PRELID2: variants seen among roughly 807,000 people sequenced by gnomAD.
PRELID2 encodes PRELI domain-containing protein 2.
A neutral mutation model predicts 28.4 loss-of-function variants in PRELID2; 25 were observed. The observed-to-expected ratio is 0.88, with a 90% CI of 0.64 to 1.23. The LOEUF (loss-of-function observed/expected upper bound fraction) is 1.23, where lower values mean the gene tolerates loss of function less well. Among genes scored for constraint, PRELID2 ranks in the 50% most tolerant of loss-of-function variants. The probability of loss-of-function intolerance (pLI) is 0.00; values close to 1 mark genes in which losing one functional copy is unlikely to be tolerated. For missense variants in PRELID2, 201 were observed against 214.4 expected (o/e 0.94, Z 0.39); for synonymous variants, 76 against 71.6 (o/e 1.06, Z -0.31).
intron 1 of PRELID2, among the ~76,000 whole-genome samples, chr5:145,589,497 A>G (rs1275016739): frequency 6.6e-6 from 1 of 152,164 alleles, no homozygotes; most frequent in Non-Finnish European, 1.5e-5. Flanking sequence ...CATAACAGGC[A>G]TAAGTCACAT....
intron 1 of PRELID2, among the ~76,000 whole-genome samples, chr5:145,525,442 G>C (rs1313869815): frequency 6.6e-6 from 1 of 152,134 alleles, no homozygotes; most frequent in Admixed American, 6.6e-5. Context: ...ATGGAGTTGA[G>C]GGTTTTTCTC....
chr5:145,709,368 G>C (rs747016837), intron 1 of PRELID2, among the ~76,000 whole-genome samples: 2 of 152,190 alleles, frequency 1.3e-5, no homozygotes, highest in African/African-American at 4.8e-5. Context: ...CCAAGGAATA[G>C]TTTTCTACTT....
the PRELID2 span, among the ~76,000 whole-genome samples, chr5:145,463,342 GTT>G: frequency 2.8e-4 from 38 of 135,798 alleles, no homozygotes; most frequent in Admixed American, 1.0e-3. Flanking sequence ...CCTATTTGAA[GTT>G]TTTTTTTTTT....
chr5:145,784,337 A>G (rs957954095), intron 5 of PRELID2, among the ~76,000 whole-genome samples: 1 of 152,208 alleles, frequency 6.6e-6, no homozygotes, highest in Admixed American at 6.5e-5. Context: ...TAGTCTTCAA[A>G]GTAGATATCA....
chr5:145,420,641 A>G, the PRELID2 span, among the ~76,000 whole-genome samples: 1 of 109,434 alleles, frequency 9.1e-6, no homozygotes, highest in Admixed American at 1.0e-4. Flanking sequence ...GGCTGAGACA[A>G]TGGGGTTTTC....
chr5:145,802,691 T>C (rs890596408), intron 4 of PRELID2, among the ~76,000 whole-genome samples: 1 of 152,182 alleles, frequency 6.6e-6, no homozygotes, highest in African/African-American at 2.4e-5. Flanking sequence ...TGCCTGTATC[T>C]GAGTCTCGTC....
chr5:145,540,704 A>T (rs1006664907), intron 1 of PRELID2, among the ~76,000 whole-genome samples: 1 of 150,016 alleles, frequency 6.7e-6, no homozygotes, highest in African/African-American at 2.4e-5. Context: ...AAAAAAAAAA[A>T]GGTGGGGGAT....
In PRELID2 at chr5:145,506,545, A is replaced by G. The variant is rs564159443; in HGVS notation, n.71-33230T>C. Among the ~76,000 whole-genome samples, 3 of 152,246 alleles carry G rather than the reference A, an allele frequency of 2.0e-5. No individual in the cohort carries two copies. In the East Asian group the frequency reaches 5.8e-4, roughly 29 times the overall value. ...GGCCATGTTCCTTTCATTGTGCGTAATAGGAGTACAAGAGACCAAGCTGAA... is the reference window on the plus strand; with the variant it reads ...GGCCATGTTCCTTTCATTGTGCGTAGTAGGAGTACAAGAGACCAAGCTGAA... On this transcript the variant is annotated intron_variant and non_coding_transcript_variant, in intron 1 of 2. Coordinates refer to the PRELID2 transcript ENST00000510259.
At chr5:145,325,651 C>G in the PRELID2 span, among the ~76,000 whole-genome samples, 3 of 152,176 alleles carry the variant, frequency 2.0e-5, no homozygotes, top group African/African-American at 7.2e-5. Flanking sequence ...TTACCCAAGA[C>G]CATACCAGCT....
At chr5:145,722,662 G>C (rs1756023525) in intron 1 of PRELID2, among the ~76,000 whole-genome samples, 1 of 151,984 alleles carries the variant, frequency 6.6e-6, no homozygotes, top group Admixed American at 6.6e-5. Context: ...ACAATGCCCA[G>C]CTAATTTTTG....
intron 4 of PRELID2, among the ~76,000 whole-genome samples, chr5:145,808,508 C>T (rs940116905): frequency 6.6e-6 from 1 of 152,074 alleles, no homozygotes; most frequent in Non-Finnish European, 1.5e-5. Context: ...AAAAATAAAA[C>T]ATTTAAAAAG....
At chr5:145,704,976 G>GGCAAATCC (rs1044621520) in intron 1 of PRELID2, among the ~76,000 whole-genome samples, 1 of 152,028 alleles carries the variant, frequency 6.6e-6, no homozygotes, top group African/African-American at 2.4e-5. Context: ...GGGGTTGCAG[G>GGCAAATCC]GCAAATCCCC....
In PRELID2 at chr5:145,698,587, C is replaced by A. The variant is rs150272863; in HGVS notation, n.70+66344G>T. 3.2e-3 allele frequency among the ~76,000 whole-genome samples: 491 copies of A among 152,272 alleles called. 2 individuals are homozygous for A. The highest frequency in any genetic ancestry group is 6.8e-3 in the Middle Eastern group (2 of 294). Reference sequence around the variant, plus strand: ...CACTTCCTGGCTCATAGAACAGTGCCGTTTCGCTGTGTCCTCACCTGGTAG... The same window carrying A: ...CACTTCCTGGCTCATAGAACAGTGCAGTTTCGCTGTGTCCTCACCTGGTAG... On this transcript the variant is annotated intron_variant and non_coding_transcript_variant, in intron 1 of 2. Transcript: ENST00000510259.
chr5:145,593,265 G>T (rs1033126802), intron 1 of PRELID2, among the ~76,000 whole-genome samples: 11 of 152,168 alleles, frequency 7.2e-5, no homozygotes, highest in Non-Finnish European at 1.3e-4. Flanking sequence ...TACCAAAATT[G>T]TGGCCCCTAA....
intron 1 of PRELID2, among the ~76,000 whole-genome samples, chr5:145,648,916 A>G (rs189883768): frequency 1.3e-5 from 2 of 151,734 alleles, no homozygotes; most frequent in Non-Finnish European, 2.9e-5. Flanking sequence ...TCAATTTCTG[A>G]TTTTTCCACT....
At chr5:145,685,565 C>G (rs527630792) in intron 1 of PRELID2, among the ~76,000 whole-genome samples, 98 of 152,228 alleles carry the variant, frequency 6.4e-4, no homozygotes, top group Non-Finnish European at 9.3e-4. Flanking sequence ...ACACTCATTA[C>G]AAAAGCAAGT....
chr5:145,635,043 T>TGC (rs1753981797), intron 1 of PRELID2, among the ~76,000 whole-genome samples: 1 of 152,178 alleles, frequency 6.6e-6, no homozygotes, highest in Non-Finnish European at 1.5e-5. Flanking sequence ...AACAAGAATG[T>TGC]GCACACACCA....
In PRELID2 at chr5:145,482,187, C is replaced by G. The variant is rs144301816; in HGVS notation, n.71-8872G>C. On this transcript the variant is annotated intron_variant and non_coding_transcript_variant, in intron 1 of 2. Coordinates refer to the PRELID2 transcript ENST00000510259. ...GGGAAAGAACATGTAAGATCCCACA[C>G]AGAAGGATTTTGTGAGCCAGCAGGG... Among the ~76,000 whole-genome samples the G allele has an allele frequency of 6.4e-4, 97 of 152,272 alleles. No individual in the cohort carries two copies. The East Asian group carries it at 0.011, about 18-fold the overall frequency.
chr5:145,464,730 T>A, the PRELID2 span, among the ~76,000 whole-genome samples: 2 of 152,194 alleles, frequency 1.3e-5, no homozygotes, highest in Non-Finnish European at 2.9e-5. Context: ...ACACTGCCAA[T>A]TGATGTATCA....
Sources: allele counts gnomAD v4.1 joint callset (sites outside exome capture counted in the v4.1 genomes callset), GRCh38; gene constraint gnomAD v4.1.1; transcripts MANE v1.5; gene names NCBI Gene and HGNC (gene_info 2026-07-23, HGNC 2026-07-21).